REV3L: variants seen among roughly 807,000 people sequenced by gnomAD.
The protein encoded by REV3L is REV3 like, DNA directed polymerase zeta catalytic subunit.
In REV3L, 69 loss-of-function variants were observed where a neutral mutation model predicts 299.4. The ratio of observed to expected loss-of-function variants is 0.23; its 90% CI spans 0.19 to 0.28. The LOEUF is 0.28. REV3L is among the 10% of genes least tolerant of loss of function. The pLI, the probability that REV3L is intolerant of heterozygous loss-of-function variation, is 1.00. For missense variants in REV3L, 3,128 were observed against 3,693.8 expected, an observed-to-expected ratio of 0.85 and a Z score of 3.97; for synonymous variants, 1,238 against 1,271.4, an observed-to-expected ratio of 0.97 and a Z score of 0.56.
intron 13 of REV3L, among the ~76,000 whole-genome samples, chr6:111,370,795 A>G (rs891915386): frequency 4.6e-5 from 7 of 152,150 alleles, no homozygotes; most frequent in African/African-American, 1.7e-4. Context: ...CCACACATAC[A>G]TGGCCTCCCT....
intron 21 of REV3L, among the ~76,000 whole-genome samples, chr6:111,340,124 C>T (rs943255455): frequency 1.3e-5 from 2 of 152,070 alleles, no homozygotes; most frequent in Non-Finnish European, 2.9e-5. Context: ...AGGAGAATCC[C>T]GAGTACAAAA....
At chr6:111,416,124 T>C (rs560252049) in intron 2 of REV3L, among the ~76,000 whole-genome samples, 159 bp downstream of exon 2, 1 of 152,182 alleles carries the variant, frequency 6.6e-6, no homozygotes, top group Non-Finnish European at 1.5e-5. Flanking sequence ...CTACCTTTCA[T>C]TGCCATAAAA....
intron 30 of REV3L, 136 bp from the exon 31 acceptor site, chr6:111,307,706 A>ATG: frequency 1.3e-6 from 1 of 760,008 alleles, no homozygotes; most frequent in East Asian, 2.7e-5. Flanking sequence ...AGTAGCTACT[A>ATG]TGTGCCAGGC....
intron 1 of REV3L, among the ~76,000 whole-genome samples, chr6:111,440,983 G>C (rs1347421748): frequency 6.6e-6 from 1 of 152,132 alleles, no homozygotes; most frequent in Non-Finnish European, 1.5e-5. Flanking sequence ...TCTTCACATA[G>C]AAGTAAGGTG....
chr6:111,303,684 TTTTTAACAGACTATGAC>T lies in REV3L; in HGVS notation c.9253-3545_9253-3529del, dbSNP rs1189801561. 6.7e-4 allele frequency among the ~76,000 whole-genome samples: 57 copies of T among 84,996 alleles called. 14 individuals carry two copies. The highest frequency in any genetic ancestry group is 2.9e-3 in the South Asian group (5 of 1,742). The allele number at this position is 84,996 out of a possible 152,430, so 55.8% of individuals were successfully genotyped here. ...CCCCAGCCGAGGCTTTTTTTTTTTT[TTTTTAACAGACTATGAC>T]TTTTTTTTTTTTTTTTTTTTTTTTT... On this transcript the variant is annotated intron_variant, in intron 31 of 31. Transcript: ENST00000368802.
At chr6:111,453,345 T>C (rs76833862) in intron 1 of REV3L, among the ~76,000 whole-genome samples, 5,485 of 152,318 alleles carry the variant, frequency 0.036, 329 homozygotes, top group African/African-American at 0.12. Context: ...TTTGCAATTA[T>C]GCCAGGTTGA....
At chr6:111,420,455 G>C (rs1056976710) in intron 1 of REV3L, among the ~76,000 whole-genome samples, 1 of 152,106 alleles carries the variant, frequency 6.6e-6, no homozygotes, top group African/African-American at 2.4e-5. Context: ...CTGATGTCCA[G>C]AACTTATTCA....
chr6:111,344,927 G>A (rs1439453940), intron 20 of REV3L, among the ~76,000 whole-genome samples: 1 of 152,136 alleles, frequency 6.6e-6, no homozygotes, highest in Non-Finnish European at 1.5e-5. Flanking sequence ...ACCCAAATTG[G>A]TCTTACTTTA....
chr6:111,334,532 A>G (rs1367629642), intron 22 of REV3L, among the ~76,000 whole-genome samples: 1 of 152,204 alleles, frequency 6.6e-6, no homozygotes, highest in African/African-American at 2.4e-5. Context: ...ACTGGTCCCT[A>G]GCAAAACTGA....
At chr6:111,326,647 A>G (rs1448455969) in intron 25 of REV3L, among the ~76,000 whole-genome samples, 1 of 151,896 alleles carries the variant, frequency 6.6e-6, no homozygotes, top group African/African-American at 2.4e-5. Flanking sequence ...CATTGAATTG[A>G]TATCTGCACT....
At chr6:111,424,429 G>C (rs1348304568) in intron 1 of REV3L, among the ~76,000 whole-genome samples, 1 of 152,152 alleles carries the variant, frequency 6.6e-6, no homozygotes, top group African/African-American at 2.4e-5. Flanking sequence ...ACTGTCAAAA[G>C]CAACTTTTTC....
intron 4 of REV3L, among the ~76,000 whole-genome samples, chr6:111,401,576 A>T (rs1027733835): frequency 5.3e-5 from 8 of 152,234 alleles, no homozygotes; most frequent in African/African-American, 1.9e-4. Context: ...TGAACAAATG[A>T]ATTACTCTGC....
intron 17 of REV3L, among the ~76,000 whole-genome samples, chr6:111,357,666 C>A (rs1386987211): frequency 1.3e-5 from 2 of 151,976 alleles, no homozygotes; most frequent in African/African-American, 4.8e-5. Context: ...GCACTCCAAC[C>A]TGGGCAACAG....
intron 1 of REV3L, among the ~76,000 whole-genome samples, chr6:111,469,347 A>C (rs1248666497): frequency 6.6e-6 from 1 of 152,192 alleles, no homozygotes; most frequent in Non-Finnish European, 1.5e-5. Flanking sequence ...AAACAAGAAC[A>C]ATGAATTAAC....
At chr6:111,464,445 T>C (rs1424680841) in intron 1 of REV3L, among the ~76,000 whole-genome samples, 2 of 152,148 alleles carry the variant, frequency 1.3e-5, no homozygotes, top group African/African-American at 4.8e-5. Context: ...GCAGCATAGA[T>C]AAAACATCTT....
intron 1 of REV3L, among the ~76,000 whole-genome samples, chr6:111,447,353 A>C (rs1788982709): frequency 6.6e-6 from 1 of 152,186 alleles, no homozygotes; most frequent in South Asian, 2.1e-4. Context: ...GAAAAATGCA[A>C]TCTCACTAAC....
rs1189398273 is a variant in REV3L, at chr6:111,303,165, C to CTTTTTTT, written c.9253-3016_9253-3010dup. On this transcript the variant is annotated intron_variant, in intron 31 of 31. Coordinates refer to ENST00000368802, the MANE Select transcript of REV3L (RefSeq NM_001372078.1). ...AATGTACTGAGGCTTTCTTTTCTTTCTTTTTTTTTTTTTTTTTGAGATGAG... is the reference window on the plus strand; with the variant it reads ...AATGTACTGAGGCTTTCTTTTCTTTCTTTTTTTTTTTTTTTTTTTTTTTTGAGATGAG... Among the ~76,000 whole-genome samples the CTTTTTTT allele has an allele frequency of 7.8e-4, 72 of 92,322 alleles. 8 individuals carry two copies. Among genetic ancestry groups the CTTTTTTT allele is most frequent in the African/African-American group, 2.2e-3 (56 of 25,532 alleles). 60.6% of individuals were successfully genotyped at this position (92,322 alleles called of 152,430 possible). A position where few individuals can be genotyped will look rare whatever the true frequency, so the allele number is the denominator to read the frequency against.
upstream of REV3L, chr6:111,483,245 AGG>A: frequency 3.1e-6 from 1 of 319,178 alleles, no homozygotes; most frequent in Non-Finnish European, 5.4e-6. Context: ...GGGAGGGGAG[AGG>A]GGGGTGTGTG....
chr6:111,448,650 T>C (rs899793272), intron 1 of REV3L, among the ~76,000 whole-genome samples: 2 of 148,252 alleles, frequency 1.3e-5, no homozygotes, highest in Non-Finnish European at 3.0e-5. Flanking sequence ...CAAGACAGGG[T>C]CTAACTGTCA....
Sources: gnomAD v4.1 joint callset for allele counts (sites outside exome capture counted in the v4.1 genomes callset) on GRCh38, gnomAD v4.1.1 for gene constraint, MANE v1.5 for transcripts, NCBI Gene and HGNC (gene_info 2026-07-23, HGNC 2026-07-21) for gene names.